HMGN3: variants seen among roughly 807,000 people sequenced by gnomAD.
HMGN3 encodes the protein high mobility group nucleosome-binding domain-containing protein 3.
In HMGN3, 6 loss-of-function variants were observed where a neutral mutation model predicts 18.8. That is an observed-to-expected ratio of 0.32 (90% CI 0.18 to 0.63). HMGN3 has a LOEUF of 0.63. Ranked by LOEUF, HMGN3 falls within the 30% of genes least tolerant of loss-of-function variation. The pLI is 0.79. For missense variants in HMGN3, 107 were observed against 114.2 expected (o/e 0.94, Z 0.29); for synonymous variants, 40 against 36.5 (o/e 1.10, Z -0.35).
At chr6:79,216,208 T>C (rs560176139) in intron 1 of HMGN3, among the ~76,000 whole-genome samples, 23 of 152,342 alleles carry the variant, frequency 1.5e-4, no homozygotes, top group Non-Finnish European at 2.8e-4. Context: ...AGAAACTCTT[T>C]GTAAAAATAT....
intron 1 of HMGN3, among the ~76,000 whole-genome samples, chr6:79,228,187 T>C (rs888882488): frequency 6.6e-6 from 1 of 152,222 alleles, no homozygotes; most frequent in Non-Finnish European, 1.5e-5. Flanking sequence ...GCATGAATTA[T>C]AAATACTTGT....
At chr6:79,217,703 C>T (rs772617757) in intron 1 of HMGN3, among the ~76,000 whole-genome samples, 1 of 152,144 alleles carries the variant, frequency 6.6e-6, no homozygotes, top group African/African-American at 2.4e-5. Flanking sequence ...TATCACATAA[C>T]CCTCTCCATC....
chr6:79,228,683 T>C (rs1427788659), intron 1 of HMGN3, among the ~76,000 whole-genome samples: 1 of 152,216 alleles, frequency 6.6e-6, no homozygotes, highest in Non-Finnish European at 1.5e-5. Context: ...CATTACCAGA[T>C]TTAAAATCTT....
chr6:79,219,527 T>C (rs1777163387), intron 1 of HMGN3, among the ~76,000 whole-genome samples: 1 of 152,142 alleles, frequency 6.6e-6, no homozygotes, highest in African/African-American at 2.4e-5. Flanking sequence ...AAAAATATAC[T>C]AATAAATTTA....
intron 1 of HMGN3, among the ~76,000 whole-genome samples, chr6:79,223,974 C>A (rs1777435894): frequency 6.6e-6 from 1 of 152,120 alleles, no homozygotes; most frequent in Non-Finnish European, 1.5e-5. Flanking sequence ...CATGGGAATG[C>A]CAAGCACTGG....
chr6:79,222,608 G>GT (rs1777355524), intron 1 of HMGN3, among the ~76,000 whole-genome samples: 1 of 152,174 alleles, frequency 6.6e-6, no homozygotes, highest in Non-Finnish European at 1.5e-5. Context: ...TGGCTTGGTT[G>GT]TTTTTCATTG....
chr6:79,232,441 T>C (rs538978322), intron 1 of HMGN3, among the ~76,000 whole-genome samples: 1 of 151,890 alleles, frequency 6.6e-6, no homozygotes, highest in African/African-American at 2.4e-5. Flanking sequence ...CAAGGAGAGG[T>C]TTTCCATCAC....
intron 1 of HMGN3, among the ~76,000 whole-genome samples, chr6:79,221,952 T>C (rs1005922019): frequency 6.8e-6 from 1 of 146,068 alleles, no homozygotes; most frequent in African/African-American, 2.5e-5. Flanking sequence ...ACAAATTCAT[T>C]GGTACACATA....
At chr6:79,202,316 C>A in exon 5 of HMGN3, 1 of 1,614,094 alleles carries the variant, frequency 6.2e-7, no homozygotes, top group Non-Finnish European at 8.5e-7. Context: ...TGGTGCAGTA[C>A]CTTCCTTTCC....
intron 1 of HMGN3, chr6:79,234,144 C>T (rs1250446245): frequency 5.8e-6 from 1 of 173,002 alleles, no homozygotes; most frequent in Non-Finnish European, 1.2e-5. Context: ...TATTTTCTTC[C>T]CTCTCCTTAC....
At chr6:79,234,054 TCCCTTAG>T (rs2127846821) in intron 1 of HMGN3, 2 of 154,200 alleles carry the variant, frequency 1.3e-5, no homozygotes, top group South Asian at 4.0e-4. Flanking sequence ...GCTTTCTCTT[TCCCTTAG>T]CCTAGGAGCC....
At chr6:79,220,875 G>A (rs1238450651) in intron 1 of HMGN3, among the ~76,000 whole-genome samples, 2 of 152,104 alleles carry the variant, frequency 1.3e-5, no homozygotes, top group African/African-American at 4.8e-5. Flanking sequence ...CTTTAGGGGG[G>A]ATGATAAGGA....
At chr6:79,215,327 A>T (rs1776920600) in intron 1 of HMGN3, among the ~76,000 whole-genome samples, 1 of 152,218 alleles carries the variant, frequency 6.6e-6, no homozygotes, top group African/African-American at 2.4e-5. Flanking sequence ...CCAGTTAAAG[A>T]ACAGGGGCCA....
chr6:79,224,215 G>A (rs1777448503), intron 1 of HMGN3, among the ~76,000 whole-genome samples: 1 of 152,156 alleles, frequency 6.6e-6, no homozygotes, highest in Non-Finnish European at 1.5e-5. Context: ...AGAAGAGCTG[G>A]AATTCAGCTC....
chr6:79,216,252 G>A (rs1227917691), intron 1 of HMGN3, among the ~76,000 whole-genome samples: 1 of 152,140 alleles, frequency 6.6e-6, no homozygotes, highest in Non-Finnish European at 1.5e-5. Context: ...TATGGAATAA[G>A]TGGAAGCAAC....
chr6:79,210,809 T>A (rs1776649008), intron 2 of HMGN3, among the ~76,000 whole-genome samples: 1 of 152,024 alleles, frequency 6.6e-6, no homozygotes, highest in South Asian at 2.1e-4. Flanking sequence ...GCTGCGACAA[T>A]GTTGTTCCTC....
In HMGN3 at chr6:79,222,126, T is replaced by C. The variant is rs182968855; in HGVS notation, c.16-7104A>G. ...CCAATCTCAACTCCTAGGTTATCCA[T>C]GCTAACGAGGAAAAGCTGATGGTAT... On this transcript the variant is annotated intron_variant, in intron 1 of 5. Transcript: ENST00000344726. Among the ~76,000 whole-genome samples the C allele has an allele frequency of 5.8e-3, 886 of 152,308 alleles. 4 individuals carry two copies. Among genetic ancestry groups the C allele is most frequent in the Middle Eastern group, 0.01 (3 of 294 alleles).
exon 6 of HMGN3, chr6:79,201,586 TAG>T (rs1776136819): frequency 1.2e-6 from 1 of 812,320 alleles, no homozygotes; most frequent in East Asian, 2.4e-5. Context: ...TGCCAACTAG[TAG>T]AGTCCTAAAA....
chr6:79,231,258 G>A (rs918214963), intron 1 of HMGN3, among the ~76,000 whole-genome samples: 2 of 152,150 alleles, frequency 1.3e-5, no homozygotes, highest in Non-Finnish European at 2.9e-5. Flanking sequence ...TCTCTTCGTA[G>A]AACATCAAAT....
Sources: gnomAD v4.1 joint callset for allele counts (sites outside exome capture counted in the v4.1 genomes callset) on GRCh38, gnomAD v4.1.1 for gene constraint, MANE v1.5 for transcripts, NCBI Gene and HGNC (gene_info 2026-07-23, HGNC 2026-07-21) for gene names.